The following QTRT2 variants were observed in gnomAD, a reference collection of about 807,000 sequenced individuals.
QTRT2 encodes queuine tRNA-ribosyltransferase domain containing 1.
In QTRT2, 32 loss-of-function variants were observed where a neutral mutation model predicts 44.8. The ratio of observed to expected loss-of-function variants is 0.71; its 90% CI spans 0.54 to 0.96. The LOEUF (loss-of-function observed/expected upper bound fraction) is 0.96, where lower values mean the gene tolerates loss of function less well. Among genes scored for constraint, QTRT2 ranks in the 40% least tolerant of loss-of-function variants. The pLI is 0.00. For synonymous variants in QTRT2, 182 were observed against 187.4 expected (o/e 0.97, Z 0.24); for missense variants, 461 against 503.1 (o/e 0.92, Z 0.80).
intron 9 of QTRT2, chr3:114,083,152 G>A: frequency 3.9e-6 from 1 of 257,954 alleles, no homozygotes; most frequent in Non-Finnish European, 7.6e-6. Flanking sequence ...GTTAGATACA[G>A]GCTGTAAATC....
chr3:114,063,637 C>T (rs2076915963), intron 2 of QTRT2, among the ~76,000 whole-genome samples: 1 of 151,990 alleles, frequency 6.6e-6, no homozygotes, highest in African/African-American at 2.4e-5. Flanking sequence ...AGGCTTTCAT[C>T]AAACACTTAT....
At chr3:114,071,692 A>G (rs2077026505) in intron 6 of QTRT2, among the ~76,000 whole-genome samples, 1 of 152,128 alleles carries the variant, frequency 6.6e-6, no homozygotes, top group Non-Finnish European at 1.5e-5. Context: ...AAATATGTCT[A>G]GAATCTTCCC....
At chr3:114,068,437 C>A in intron 5 of QTRT2, 1 of 254,432 alleles carries the variant, frequency 3.9e-6, no homozygotes, top group Non-Finnish European at 8.0e-6. Context: ...AGTATTATCA[C>A]ATGTATAACT....
intron 2 of QTRT2, among the ~76,000 whole-genome samples, chr3:114,057,789 C>T (rs76983042): frequency 3.0e-4 from 46 of 152,280 alleles, no homozygotes; most frequent in African/African-American, 1.0e-3. Flanking sequence ...CTGACCAAAA[C>T]ACTCCCTCCC....
chr3:114,066,019 T>C (rs555063483), intron 3 of QTRT2, among the ~76,000 whole-genome samples: 4 of 152,248 alleles, frequency 2.6e-5, no homozygotes, highest in African/African-American at 9.6e-5. Context: ...GCCAGTTTCA[T>C]GTCTCACAGA....
chr3:114,084,008 T>C (rs893333690), intron 9 of QTRT2, among the ~76,000 whole-genome samples: 2 of 152,114 alleles, frequency 1.3e-5, no homozygotes, highest in Admixed American at 6.6e-5. Context: ...AGACAAATTC[T>C]AGCACTGCTC....
intron 2 of QTRT2, among the ~76,000 whole-genome samples, chr3:114,062,492 G>A (rs962974346): frequency 6.6e-6 from 1 of 152,116 alleles, no homozygotes; most frequent in African/African-American, 2.4e-5. Context: ...AATGGCAGAA[G>A]GGGTGATGTG....
rs774096396 is a variant in QTRT2 at position 114,070,819 on chromosome 3, G to A, written c.527G>A (p.Arg176Gln). 6.2e-6 allele frequency: 10 copies of A among 1,613,770 alleles called. No individual in the cohort carries two copies. Among genetic ancestry groups the A allele is most frequent in the Middle Eastern group, 1.7e-4 (1 of 5,926 alleles). The change falls in exon 6 of 10, where the codon CGG becomes CAG. Residue 176 changes from arginine to glutamine, a missense_variant. By Grantham distance (43) the Arg-to-Gln change is conservative (BLOSUM62 1). Coordinates refer to ENST00000281273, the MANE Select transcript of QTRT2 (RefSeq NM_024638.4). Reference sequence around the variant, plus strand: ...CTTCTTTTCTTGGATAACTGTCTGCGGCTGCAGGAAGAGTCAGAGGTAAGG... The same window carrying A: ...CTTCTTTTCTTGGATAACTGTCTGCAGCTGCAGGAAGAGTCAGAGGTAAGG... ...RSLLFLDNCLRLQEESEVLQK... is the reference protein window; with the variant it reads ...RSLLFLDNCLQLQEESEVLQK...
intron 4 of QTRT2, 151 bp from the exon 5 acceptor site, chr3:114,067,836 G>T: frequency 5.1e-6 from 3 of 589,648 alleles, no homozygotes; most frequent in South Asian, 2.1e-5. Flanking sequence ...ATATTGATAG[G>T]CCTTCTCTAA....
At chr3:114,063,149 G>C (rs1398378052) in intron 2 of QTRT2, among the ~76,000 whole-genome samples, 1 of 152,082 alleles carries the variant, frequency 6.6e-6, no homozygotes, top group Non-Finnish European at 1.5e-5. Context: ...TTCCATATTG[G>C]TTGATTTCAA....
chr3:114,069,654 A>G (rs1332227820), intron 5 of QTRT2, among the ~76,000 whole-genome samples: 1 of 152,160 alleles, frequency 6.6e-6, no homozygotes, highest in Admixed American at 6.5e-5. Context: ...ATTGATGGAC[A>G]TTTAGGTTGA....
At chr3:114,057,740 TTATAG>T (rs928435490) in intron 2 of QTRT2, among the ~76,000 whole-genome samples, 1 of 152,232 alleles carries the variant, frequency 6.6e-6, no homozygotes, top group Admixed American at 6.5e-5. Flanking sequence ...AGTGCATATA[TTATAG>T]TATAATATGT....
At chr3:114,071,899 C>T (rs1031057721) in intron 6 of QTRT2, among the ~76,000 whole-genome samples, 4 of 152,198 alleles carry the variant, frequency 2.6e-5, no homozygotes, top group African/African-American at 9.7e-5. Context: ...CACTTCAACT[C>T]TTACATGGCA....
chr3:114,084,668 T>C (rs2077213306), intron 9 of QTRT2, among the ~76,000 whole-genome samples: 1 of 152,184 alleles, frequency 6.6e-6, no homozygotes, highest in Non-Finnish European at 1.5e-5. Context: ...ACTGTACTAA[T>C]ACATTTCATC....
chr3:114,060,684 T>C (rs2076874473), intron 2 of QTRT2, among the ~76,000 whole-genome samples: 2 of 152,130 alleles, frequency 1.3e-5, no homozygotes, highest in African/African-American at 4.8e-5. Flanking sequence ...TAGTAGATGT[T>C]AGTCACCTCG....
In QTRT2 at chr3:114,058,953, A is replaced by G. The variant is rs1278474103; in HGVS notation, c.-22+1847A>G. On this transcript the variant is annotated intron_variant, in intron 2 of 9. Coordinates refer to ENST00000281273, the MANE Select transcript of QTRT2 (RefSeq NM_024638.4). ...TAGAAAGTGTACATGTGTGGGAGAGAGGGGTAAGAGATGCTGATGTGTACT... is the reference window on the plus strand; with the variant it reads ...TAGAAAGTGTACATGTGTGGGAGAGGGGGGTAAGAGATGCTGATGTGTACT... 2.6e-5 allele frequency among the ~76,000 whole-genome samples: 4 copies of G among 152,180 alleles called. No individual in the cohort carries two copies. The East Asian group carries it at 7.7e-4, about 29-fold the overall frequency.
chr3:114,068,368 G>A (rs891032452), intron 5 of QTRT2: 3 of 289,994 alleles, frequency 1.0e-5, no homozygotes, highest in Non-Finnish European at 2.0e-5. Flanking sequence ...ATAGTCTTTC[G>A]GCGCCATGCT....
chr3:114,063,125 C>T (rs945139467), intron 2 of QTRT2, among the ~76,000 whole-genome samples: 14 of 152,188 alleles, frequency 9.2e-5, no homozygotes, highest in Non-Finnish European at 1.9e-4. Flanking sequence ...ATTTGTGTTT[C>T]AAGAAATCTA....
At chr3:114,066,615 A>G (rs1382671526) in intron 4 of QTRT2, 1 of 183,134 alleles carries the variant, frequency 5.5e-6, no homozygotes, top group Non-Finnish European at 1.1e-5. Context: ...CAAGGTGGTC[A>G]GAATAAAAAA....
Sources: gnomAD v4.1 joint callset for allele counts (sites outside exome capture counted in the v4.1 genomes callset) on GRCh38, gnomAD v4.1.1 for gene constraint, MANE v1.5 for transcripts, NCBI Gene and HGNC (gene_info 2026-07-23, HGNC 2026-07-21) for gene names.